Variants in MID2 observed in about 807,000 individuals in gnomAD.
MID2 encodes midline 2, also known as probable E3 ubiquitin-protein ligase MID2.
In MID2, 13 loss-of-function variants were observed where a neutral mutation model predicts 46.1. The observed-to-expected ratio is 0.28, with a 90% CI of 0.18 to 0.45. The LOEUF (loss-of-function observed/expected upper bound fraction) is 0.45. MID2 is among the 20% of genes least tolerant of loss of function. The pLI is 1.00. For synonymous variants in MID2, 199 were observed against 212.3 expected (o/e 0.94, Z 0.55); for missense variants, 431 against 575.4 (o/e 0.75, Z 2.57).
chrX:107,838,269 T>G (rs1931253772), intron 1 of MID2, among the ~76,000 whole-genome samples: 2 of 112,155 alleles, frequency 1.8e-5, no homozygotes, highest in African/African-American at 3.2e-5. Flanking sequence ...ATATATCAAA[T>G]GGAGCTCTCT....
chrX:107,844,325 C>T (rs1931413566), intron 2 of MID2, among the ~76,000 whole-genome samples: 1 of 111,270 alleles, frequency 9.0e-6, no homozygotes, highest in African/African-American at 3.3e-5. Context: ...ACATGTCTTT[C>T]AGCAGGCTAC....
intron 5 of MID2, among the ~76,000 whole-genome samples, chrX:107,912,861 A>G (rs1932911817): frequency 9.0e-6 from 1 of 110,737 alleles, no homozygotes; most frequent in Non-Finnish European, 1.9e-5. Flanking sequence ...AGGGTCTGAA[A>G]TTTTCCCCCA....
At chrX:107,829,037 AC>A (rs1186821778) in intron 1 of MID2, among the ~76,000 whole-genome samples, 1 of 111,387 alleles carries the variant, frequency 9.0e-6, no homozygotes, top group African/African-American at 3.3e-5. Flanking sequence ...ACACCATCAC[AC>A]CCGGCTAATT....
At chrX:107,859,285 G>C (rs1931807541) in intron 3 of MID2, among the ~76,000 whole-genome samples, 1 of 112,205 alleles carries the variant, frequency 8.9e-6, no homozygotes, top group South Asian at 3.7e-4. Flanking sequence ...GGTTGAGCTA[G>C]AAGAAAGAAT....
At chrX:107,827,739 C>T (rs1930987359) in intron 1 of MID2, among the ~76,000 whole-genome samples, 1 of 108,250 alleles carries the variant, frequency 9.2e-6, no homozygotes, top group Non-Finnish European at 1.9e-5. Context: ...TAGCTTCCCC[C>T]TGCCCACCCC....
At chrX:107,842,493 CA>C (rs1931369897) in intron 2 of MID2, among the ~76,000 whole-genome samples, 1 of 111,911 alleles carries the variant, frequency 8.9e-6, no homozygotes, top group Non-Finnish European at 1.9e-5. Flanking sequence ...AAAAGGAGGG[CA>C]AGAAGGGAAT....
chrX:107,866,758 T>C (rs1931967719), intron 3 of MID2, among the ~76,000 whole-genome samples: 1 of 112,093 alleles, frequency 8.9e-6, no homozygotes, highest in Non-Finnish European at 1.9e-5. Flanking sequence ...TGTGTGACAA[T>C]AACTGTAAGT....
At chrX:107,916,863 G>A (rs765896256) in intron 6 of MID2, among the ~76,000 whole-genome samples, 11 of 112,752 alleles carry the variant, frequency 9.8e-5, no homozygotes, top group Non-Finnish European at 1.5e-4. Flanking sequence ...TAATGGGGCT[G>A]GGCACAGTGG....
At chrX:107,913,555 A>G (rs1170109132) in intron 5 of MID2, among the ~76,000 whole-genome samples, 9 of 112,363 alleles carry the variant, frequency 8.0e-5, no homozygotes, top group Non-Finnish European at 1.9e-5. Context: ...TATAGGCATA[A>G]AAGCTCCTAT....
intron 2 of MID2, among the ~76,000 whole-genome samples, chrX:107,847,079 TGC>T (rs1258431679): frequency 8.9e-6 from 1 of 112,509 alleles, no homozygotes; most frequent in Non-Finnish European, 1.9e-5. Flanking sequence ...AATGAGGTAA[TGC>T]CTTATTCTTT....
chrX:107,884,820 T>C (rs934417156), intron 3 of MID2, among the ~76,000 whole-genome samples: 8 of 111,777 alleles, frequency 7.2e-5, no homozygotes, highest in Non-Finnish European at 1.5e-4. Context: ...TAATTTACTT[T>C]ACCTCTCTAG....
At chrX:107,923,401 C>T (rs2147875171) in intron 7 of MID2, among the ~76,000 whole-genome samples, 1 of 111,980 alleles carries the variant, frequency 8.9e-6, no homozygotes, top group East Asian at 2.8e-4. Flanking sequence ...TAATTATTTA[C>T]ATTTCCCCTG....
intron 3 of MID2, among the ~76,000 whole-genome samples, chrX:107,886,093 G>A (rs1478144977): frequency 1.2e-4 from 13 of 111,791 alleles, no homozygotes; most frequent in Admixed American, 2.8e-4. Context: ...TCTGATGGTA[G>A]TTTCTTTTGC....
chrX:107,839,528 C>T (rs1051153691), intron 1 of MID2, among the ~76,000 whole-genome samples: 3 of 110,441 alleles, frequency 2.7e-5, no homozygotes, highest in Admixed American at 9.6e-5. Flanking sequence ...AGCGCCACCA[C>T]GCCCAGCTAA....
chrX:107,906,542 C>T (rs1430565630), intron 5 of MID2, among the ~76,000 whole-genome samples: 1 of 112,009 alleles, frequency 8.9e-6, no homozygotes, highest in Non-Finnish European at 1.9e-5. Context: ...TAAAACATGC[C>T]AGTTTTTAAC....
At chrX:107,843,137 C>T (rs776082603) in intron 2 of MID2, among the ~76,000 whole-genome samples, 5 of 111,597 alleles carry the variant, frequency 4.5e-5, no homozygotes, top group South Asian at 3.8e-4. Flanking sequence ...AAGATAGGAG[C>T]GGGGTTATAG....
intron 3 of MID2, among the ~76,000 whole-genome samples, chrX:107,875,922 G>T (rs909650060): frequency 1.8e-5 from 2 of 111,192 alleles, no homozygotes; most frequent in African/African-American, 3.3e-5. Flanking sequence ...TGGTGGTCTG[G>T]ACCACTGGAG....
At chrX:107,845,525 A>ACACACTCTCTCTCTCTCTCTCT (rs1276957001) in intron 2 of MID2, among the ~76,000 whole-genome samples, 54 of 72,942 alleles carry the variant, frequency 7.4e-4, no homozygotes, top group African/African-American at 3.8e-3. Context: ...ACACACACAC[A>ACACACTCTCTCTCTCTCTCTCT]CTCTCTCTCT....
chrX:107,845,978 T>G (rs1931465181), intron 2 of MID2, among the ~76,000 whole-genome samples: 1 of 112,198 alleles, frequency 8.9e-6, no homozygotes, highest in African/African-American at 3.2e-5. Context: ...GTGTGTATAT[T>G]CCTGCATAAA....
Sources: gnomAD v4.1 joint callset for allele counts (sites outside exome capture counted in the v4.1 genomes callset) on GRCh38, gnomAD v4.1.1 for gene constraint, MANE v1.5 for transcripts, NCBI Gene and HGNC (gene_info 2026-07-23, HGNC 2026-07-21) for gene names.